Variants in RALGPS1 observed in about 807,000 individuals in gnomAD.
RALGPS1 encodes the protein Ral GEF with PH domain and SH3 binding motif 1.
RALGPS1 carries 19 observed loss-of-function variants against 78.8 expected under a neutral mutation model. The observed-to-expected ratio is 0.24, with a 90% CI of 0.17 to 0.35. RALGPS1 has a LOEUF of 0.35. Ranked by LOEUF, RALGPS1 falls within the 10% of genes least tolerant of loss-of-function variation. The pLI, the probability that RALGPS1 is intolerant of heterozygous loss-of-function variation, is 1.00. For missense variants in RALGPS1, 454 were observed against 688.3 expected (o/e 0.66, Z 3.81); for synonymous variants, 228 against 256.3 (o/e 0.89, Z 1.06).
At chr9:127,146,692 C>T (rs1257118170) in intron 8 of RALGPS1, among the ~76,000 whole-genome samples, 2 of 152,022 alleles carry the variant, frequency 1.3e-5, no homozygotes, top group African/African-American at 2.4e-5. Flanking sequence ...GACAGACATC[C>T]ACCACCATGC....
intron 1 of RALGPS1, among the ~76,000 whole-genome samples, chr9:126,949,954 GT>G (rs902390961): frequency 1.3e-5 from 2 of 152,188 alleles, no homozygotes; most frequent in Admixed American, 6.6e-5. Flanking sequence ...TATGTCTAAT[GT>G]TTAAGCCTTT....
rs556752912 is a variant in RALGPS1, at chr9:127,198,451, C to A, written c.1196-564C>A. Among the ~76,000 whole-genome samples, 121 of 152,324 alleles carry A rather than the reference C, an allele frequency of 7.9e-4. 4 individuals are homozygous for A. The South Asian group carries it at 0.019, about 24-fold the overall frequency. On this transcript the variant is annotated intron_variant, in intron 13 of 18. Transcript: ENST00000259351. ...AGAGCCCGGGAGAAGCAGGGTCGCC[C>A]ATTCAGCCCAGAGGGACAGGCCTGA... is the stretch of plus-strand genomic sequence containing the variant.
chr9:127,169,639 A>G (rs1264275891), intron 10 of RALGPS1, among the ~76,000 whole-genome samples: 1 of 152,130 alleles, frequency 6.6e-6, no homozygotes, highest in African/African-American at 2.4e-5. Flanking sequence ...ACATTCACAG[A>G]TGGTCCCCAA....
At chr9:127,124,249 C>T (rs1417020574) in intron 8 of RALGPS1, among the ~76,000 whole-genome samples, 2 of 152,210 alleles carry the variant, frequency 1.3e-5, no homozygotes, top group East Asian at 1.9e-4. Flanking sequence ...GGAAAGGCAG[C>T]GCAGTCTCTA....
intron 10 of RALGPS1, among the ~76,000 whole-genome samples, chr9:127,173,058 A>G (rs1038944863): frequency 6.6e-6 from 1 of 152,156 alleles, no homozygotes; most frequent in Admixed American, 6.5e-5. Context: ...TGGGAGGTCC[A>G]GGGGTTTTAG....
intron 4 of RALGPS1, among the ~76,000 whole-genome samples, chr9:127,022,243 C>T (rs1205164955): frequency 6.6e-6 from 1 of 152,082 alleles, no homozygotes; most frequent in African/African-American, 2.4e-5. Flanking sequence ...CTTCCACGGC[C>T]CATACTGCCT....
intron 8 of RALGPS1, among the ~76,000 whole-genome samples, chr9:127,129,165 G>A (rs2056833033): frequency 6.6e-6 from 1 of 152,164 alleles, no homozygotes; most frequent in Admixed American, 6.5e-5. Context: ...AGTATTTTAA[G>A]GCGTGTCCAG....
chr9:126,975,328 G>T (rs1038909393), intron 3 of RALGPS1, among the ~76,000 whole-genome samples: 2 of 151,370 alleles, frequency 1.3e-5, no homozygotes, highest in South Asian at 2.1e-4. Flanking sequence ...CATCCAAAAA[G>T]TGTGAAATGT....
chr9:127,028,971 C>G (rs1429107485), intron 4 of RALGPS1, among the ~76,000 whole-genome samples: 1 of 152,048 alleles, frequency 6.6e-6, no homozygotes, highest in African/African-American at 2.4e-5. Context: ...GCCCCTCTGC[C>G]AGATCCCAGG....
intron 1 of RALGPS1, among the ~76,000 whole-genome samples, chr9:126,946,606 T>C (rs1243531038): frequency 1.3e-5 from 2 of 150,988 alleles, no homozygotes; most frequent in African/African-American, 4.9e-5. Flanking sequence ...GTTGAGTTCC[T>C]GGCCTGGCTA....
intron 8 of RALGPS1, among the ~76,000 whole-genome samples, chr9:127,158,199 C>G (rs1476327056): frequency 1.3e-5 from 2 of 151,900 alleles, no homozygotes; most frequent in Admixed American, 1.3e-4. Context: ...TATGCATGAG[C>G]TCCTTAAAAA....
chr9:126,984,525 A>G (rs953641009), intron 4 of RALGPS1, among the ~76,000 whole-genome samples: 2 of 152,190 alleles, frequency 1.3e-5, no homozygotes, highest in African/African-American at 4.8e-5. Context: ...CTTACCTTTA[A>G]TGGTGACTTG....
At chr9:127,177,856 A>C in intron 11 of RALGPS1, 1 of 1,547,968 alleles carries the variant, frequency 6.5e-7, no homozygotes, top group Middle Eastern at 1.7e-4. Context: ...CTCCTTTCCC[A>C]CAATCCACCC....
At position 127,215,708 on chromosome 9, in the gene RALGPS1, G is replaced by C. The variant is rs115012548; in HGVS notation, c.1644+866G>C. ...AAAGACTGGAAGCACATCCCCAGCTGTCAAGGCTTATGAGAGAAATGGCTA... is the reference window on the plus strand; with the variant it reads ...AAAGACTGGAAGCACATCCCCAGCTCTCAAGGCTTATGAGAGAAATGGCTA... On this transcript the variant is annotated intron_variant, in intron 18 of 18. Coordinates refer to ENST00000259351, the MANE Select transcript of RALGPS1 (RefSeq NM_014636.3). Among the ~76,000 whole-genome samples the C allele has an allele frequency of 9.2e-3, 1,397 of 152,296 alleles. 35 individuals carry two copies. The highest frequency in any genetic ancestry group is 0.031 in the African/African-American group (1,305 of 41,556).
intron 4 of RALGPS1, among the ~76,000 whole-genome samples, chr9:127,032,281 C>T (rs1003465104): frequency 6.6e-6 from 1 of 152,246 alleles, no homozygotes; most frequent in African/African-American, 2.4e-5. Flanking sequence ...GGGGTCCACA[C>T]TGCTCCCTTT....
intron 1 of RALGPS1, among the ~76,000 whole-genome samples, chr9:126,958,142 A>AAATATATAT: frequency 1.3e-5 from 1 of 77,106 alleles, no homozygotes; most frequent in African/African-American, 4.1e-5. Context: ...AAAAAAAAAA[A>AAATATATAT]ATATATATAT....
chr9:127,017,672 C>G (rs960880448), intron 4 of RALGPS1, among the ~76,000 whole-genome samples: 1 of 152,172 alleles, frequency 6.6e-6, no homozygotes, highest in Non-Finnish European at 1.5e-5. Context: ...TAGCTTAAAA[C>G]ACACATTGTT....
intron 4 of RALGPS1, among the ~76,000 whole-genome samples, chr9:126,981,992 C>T (rs370649816): frequency 2.0e-5 from 3 of 152,192 alleles, no homozygotes; most frequent in Middle Eastern, 3.4e-3. Context: ...AATGCCTGGC[C>T]GTTGGCAGGA....
At chr9:127,200,085 C>G (rs564791307) in intron 14 of RALGPS1, among the ~76,000 whole-genome samples, 2 of 152,294 alleles carry the variant, frequency 1.3e-5, no homozygotes, top group Admixed American at 1.3e-4. Flanking sequence ...TGTATACACT[C>G]ACACGTACAT....
Sources: allele counts gnomAD v4.1 joint callset (sites outside exome capture counted in the v4.1 genomes callset), GRCh38; gene constraint gnomAD v4.1.1; transcripts MANE v1.5; gene names NCBI Gene and HGNC (gene_info 2026-07-23, HGNC 2026-07-21).